Variants in SND1 observed in about 807,000 individuals in gnomAD.
SND1 encodes the protein staphylococcal nuclease and tudor domain containing 1.
SND1 carries 38 observed loss-of-function variants against 121.7 expected under a neutral mutation model. The ratio of observed to expected loss-of-function variants is 0.31; its 90% CI spans 0.24 to 0.41. SND1 has a LOEUF of 0.41. Ranked by LOEUF, SND1 falls within the 10% of genes least tolerant of loss-of-function variation. SND1 has a pLI of 1.00. For synonymous variants in SND1, 401 were observed against 447.4 expected, an observed-to-expected ratio of 0.90 and a Z score of 1.31; for missense variants, 868 against 1,184.6, an observed-to-expected ratio of 0.73 and a Z score of 3.92.
intron 16 of SND1, among the ~76,000 whole-genome samples, chr7:127,996,339 G>T (rs755704574): frequency 3.9e-5 from 6 of 152,190 alleles, no homozygotes; most frequent in Admixed American, 1.3e-4. Flanking sequence ...CAAGTGTGCT[G>T]TATCGTGTCT....
intron 10 of SND1, among the ~76,000 whole-genome samples, chr7:127,766,796 A>T (rs868776447): frequency 0.016 from 2,421 of 149,158 alleles, 145 homozygotes; most frequent in African/African-American, 0.057. Context: ...AAAAAAAAAA[A>T]AAAAATAGTT....
intron 16 of SND1, among the ~76,000 whole-genome samples, chr7:128,019,220 C>A (rs1393983999): frequency 6.6e-6 from 1 of 152,186 alleles, no homozygotes; most frequent in Non-Finnish European, 1.5e-5. Flanking sequence ...TATTGCTAAC[C>A]CGTAACCTCT....
chr7:128,085,079 G>A lies in SND1; in HGVS notation c.2234+232G>A, dbSNP rs927909732. On this transcript the variant is annotated intron_variant, in intron 19 of 23. Coordinates refer to ENST00000354725, the MANE Select transcript of SND1 (RefSeq NM_014390.4). The surrounding 1 kb of genome is among the most constrained non-coding windows in gnomAD (Gnocchi z 4.4). Reference sequence around the variant, plus strand: ...AAGTGGCTCCTTCCTTGTCTCCTGGGGGATTCCAGGGTGGGAGCCCTTGCT... The same window carrying A: ...AAGTGGCTCCTTCCTTGTCTCCTGGAGGATTCCAGGGTGGGAGCCCTTGCT... Among the ~76,000 whole-genome samples the A allele has an allele frequency of 1.1e-4, 16 of 152,162 alleles. No homozygotes were observed. Among genetic ancestry groups the A allele is most frequent in the African/African-American group, 3.4e-4 (14 of 41,442 alleles).
intron 9 of SND1, among the ~76,000 whole-genome samples, chr7:127,708,139 A>G (rs1796234422): frequency 6.6e-6 from 1 of 152,176 alleles, no homozygotes; most frequent in Non-Finnish European, 1.5e-5. Flanking sequence ...ACACTTTATT[A>G]TAAAACAGGC....
chr7:127,946,610 A>G (rs73455721), intron 15 of SND1, among the ~76,000 whole-genome samples: 154 of 152,282 alleles, frequency 1.0e-3, no homozygotes, highest in African/African-American at 3.0e-3. Flanking sequence ...ACTGGCATTG[A>G]AATGTTAACA....
At chr7:127,714,742 A>G (rs1328699100) in intron 9 of SND1, among the ~76,000 whole-genome samples, 1 of 152,214 alleles carries the variant, frequency 6.6e-6, no homozygotes, top group African/African-American at 2.4e-5. Flanking sequence ...GTGAAATCAG[A>G]CAGTCTGTGT....
At chr7:127,827,360 T>C (rs1563027330) in intron 11 of SND1, among the ~76,000 whole-genome samples, 1 of 152,258 alleles carries the variant, frequency 6.6e-6, no homozygotes, top group Non-Finnish European at 1.5e-5. Flanking sequence ...TAATTTTTCC[T>C]ATGCAGATAC....
intron 10 of SND1, among the ~76,000 whole-genome samples, chr7:127,752,623 A>G (rs1424253238): frequency 6.6e-6 from 1 of 152,194 alleles, no homozygotes; most frequent in Admixed American, 6.5e-5. Flanking sequence ...TATGTAAGCA[A>G]ATATTGAGAT....
At chr7:127,912,890 G>GA (rs1331328176) in intron 14 of SND1, among the ~76,000 whole-genome samples, 2 of 152,142 alleles carry the variant, frequency 1.3e-5, no homozygotes, top group Non-Finnish European at 2.9e-5. Context: ...CTAAAAAAAA[G>GA]AAAAATTTAG....
chr7:127,777,374 GAA>G (rs1324394222), intron 10 of SND1, among the ~76,000 whole-genome samples: 1 of 152,192 alleles, frequency 6.6e-6, no homozygotes, highest in Non-Finnish European at 1.5e-5. Context: ...GGAAAACTCA[GAA>G]AGAGTTGATA....
chr7:127,835,347 A>T (rs952988147), intron 11 of SND1, among the ~76,000 whole-genome samples: 2 of 152,098 alleles, frequency 1.3e-5, no homozygotes, highest in African/African-American at 2.4e-5. Context: ...TCCTCCAGGG[A>T]GAGTTCTGGA....
intron 16 of SND1, among the ~76,000 whole-genome samples, chr7:128,064,781 C>G (rs1793286421): frequency 6.6e-6 from 1 of 151,976 alleles, no homozygotes; most frequent in Non-Finnish European, 1.5e-5. Flanking sequence ...ACAATTGCTA[C>G]TAAGAAAGCA....
chr7:128,078,284 C>T (rs1048752036), intron 17 of SND1, among the ~76,000 whole-genome samples: 3 of 152,244 alleles, frequency 2.0e-5, no homozygotes, highest in African/African-American at 7.2e-5. Context: ...ACCTCCATCC[C>T]CACAGGGAAA....
At chr7:127,680,918 A>G (rs2116290613) in intron 1 of SND1, among the ~76,000 whole-genome samples, 1 of 152,252 alleles carries the variant, frequency 6.6e-6, no homozygotes, top group African/African-American at 2.4e-5. Context: ...TTATAAAAGT[A>G]TTAATTTGGG....
intron 11 of SND1, among the ~76,000 whole-genome samples, chr7:127,816,656 C>G (rs1321366701): frequency 6.7e-6 from 1 of 149,706 alleles, no homozygotes; most frequent in Non-Finnish European, 1.5e-5. Context: ...ATTCATTTCT[C>G]AAACTCTTTT....
intron 1 of SND1, among the ~76,000 whole-genome samples, chr7:127,671,966 A>C (rs1562973381): frequency 6.6e-6 from 1 of 152,252 alleles, no homozygotes; most frequent in African/African-American, 2.4e-5. Context: ...ACTGAGTGAA[A>C]GCTGAAACAA....
intron 16 of SND1, among the ~76,000 whole-genome samples, chr7:128,032,976 G>A (rs967374742): frequency 6.6e-6 from 1 of 152,192 alleles, no homozygotes; most frequent in African/African-American, 2.4e-5. Flanking sequence ...CGGAGCCCAC[G>A]ACACAGCCCG....
chr7:128,064,476 T>G (rs1793280714), intron 16 of SND1, among the ~76,000 whole-genome samples: 1 of 152,244 alleles, frequency 6.6e-6, no homozygotes, highest in Admixed American at 6.5e-5. Context: ...CAGTGTGTAT[T>G]GGTGCGGACC....
intron 16 of SND1, among the ~76,000 whole-genome samples, chr7:128,046,625 A>G (rs1245928135): frequency 2.0e-5 from 3 of 151,780 alleles, no homozygotes; most frequent in Non-Finnish European, 4.4e-5. Flanking sequence ...TGACCTCCCA[A>G]AGTGCTGGGA....
Sources: gnomAD v4.1 joint callset for allele counts (sites outside exome capture counted in the v4.1 genomes callset) on GRCh38, gnomAD v4.1.1 for gene constraint, Gnocchi (gnomAD v3.1) non-coding constraint, MANE v1.5 for transcripts, NCBI Gene and HGNC (gene_info 2026-07-23, HGNC 2026-07-21) for gene names.